LRRC4C: variants seen among roughly 807,000 people sequenced by gnomAD.
LRRC4C encodes leucine-rich repeat-containing protein 4C.
Under a neutral mutation model 33.6 loss-of-function variants are expected in LRRC4C, and 5 were observed. The observed-to-expected ratio is 0.15, with a 90% CI of 0.08 to 0.31. The LOEUF is 0.31. LRRC4C is among the 10% of genes least tolerant of loss of function. The pLI is 1.00. For missense variants in LRRC4C, 560 were observed against 796.7 expected (o/e 0.70, Z 3.58); for synonymous variants, 329 against 302.0 (o/e 1.09, Z -0.93).
intron 3 of LRRC4C, among the ~76,000 whole-genome samples, chr11:40,484,170 A>T (rs550761668): frequency 5.3e-5 from 8 of 152,264 alleles, no homozygotes; most frequent in Non-Finnish European, 8.8e-5. Flanking sequence ...TCTAACAGAA[A>T]TACTTTATTC....
At chr11:41,373,587 A>G (rs1369065543) in intron 1 of LRRC4C, among the ~76,000 whole-genome samples, 1 of 152,096 alleles carries the variant, frequency 6.6e-6, no homozygotes, top group Non-Finnish European at 1.5e-5. Context: ...TCAAAATAAT[A>G]CTCTCGGAAT....
intron 3 of LRRC4C, among the ~76,000 whole-genome samples, chr11:40,579,597 C>T (rs977308240): frequency 3.9e-5 from 6 of 152,212 alleles, no homozygotes; most frequent in African/African-American, 1.4e-4. Context: ...AGTTTTAGAA[C>T]ATTTTCATCA....
Position 41,448,122 on chromosome 11 carries a change from G to GTTTTTTTTTTTT in LRRC4C, c.-496+11297_-496+11308dup, listed in dbSNP as rs71063918. Among the ~76,000 whole-genome samples the GTTTTTTTTTTTT allele has an allele frequency of 8.3e-4, 39 of 46,906 alleles. 4 individuals carry two copies. The highest frequency in any genetic ancestry group is 1.5e-3 in the African/African-American group (19 of 12,918). The allele number at this position is 46,906 out of a possible 152,430, so 30.8% of individuals were successfully genotyped here. ...ACAAACGAGGCTGCTGCACACGTCT[G>GTTTTTTTTTTTT]TTTTTTTTTTTTTTTTTTTTGGAGC... is the stretch of plus-strand genomic sequence containing the variant. On this transcript the variant is annotated intron_variant, in intron 1 of 6. Transcript: ENST00000528697.
At chr11:40,736,312 C>T (rs1373529663) in intron 2 of LRRC4C, among the ~76,000 whole-genome samples, 5 of 151,976 alleles carry the variant, frequency 3.3e-5, no homozygotes, top group African/African-American at 9.7e-5. Context: ...TGGTTTCCAG[C>T]TTCATCCATG....
At chr11:40,170,673 C>G (rs1160093842) in intron 5 of LRRC4C, among the ~76,000 whole-genome samples, 1 of 152,072 alleles carries the variant, frequency 6.6e-6, no homozygotes, top group African/African-American at 2.4e-5. Flanking sequence ...CTTTTTGTAG[C>G]CAAAACATTA....
intron 2 of LRRC4C, among the ~76,000 whole-genome samples, chr11:40,848,314 T>C (rs1953299428): frequency 6.6e-6 from 1 of 152,200 alleles, no homozygotes; most frequent in Non-Finnish European, 1.5e-5. Flanking sequence ...TAAACATTGC[T>C]TTAGCTGTGT....
chr11:41,256,209 C>G (rs1243609527), intron 1 of LRRC4C, among the ~76,000 whole-genome samples: 1 of 151,970 alleles, frequency 6.6e-6, no homozygotes, highest in Non-Finnish European at 1.5e-5. Context: ...TCCCGCATAG[C>G]TCAGTCACCC....
At chr11:40,655,635 C>T (rs1238836998) in intron 2 of LRRC4C, among the ~76,000 whole-genome samples, 1 of 152,094 alleles carries the variant, frequency 6.6e-6, no homozygotes, top group Admixed American at 6.6e-5. Flanking sequence ...GCACTTTGCT[C>T]ACAAATTCAG....
intron 3 of LRRC4C, among the ~76,000 whole-genome samples, chr11:40,522,196 A>G (rs58341392): frequency 0.041 from 6,163 of 152,158 alleles, 362 homozygotes; most frequent in African/African-American, 0.13. Context: ...GCTAATTTAT[A>G]TACATATATT....
chr11:41,384,178 G>C (rs1464071540), intron 1 of LRRC4C, among the ~76,000 whole-genome samples: 3 of 151,828 alleles, frequency 2.0e-5, no homozygotes, highest in Non-Finnish European at 4.4e-5. Context: ...TAAATGCTTT[G>C]AACCATTTAA....
At chr11:40,803,598 T>G (rs1034199508) in intron 2 of LRRC4C, among the ~76,000 whole-genome samples, 1 of 152,064 alleles carries the variant, frequency 6.6e-6, no homozygotes, top group Non-Finnish European at 1.5e-5. Flanking sequence ...TAATATTTAA[T>G]TTTTAATTAA....
At chr11:40,688,738 GGACA>G (rs2136384444) in intron 2 of LRRC4C, among the ~76,000 whole-genome samples, 1 of 152,208 alleles carries the variant, frequency 6.6e-6, no homozygotes, top group Admixed American at 6.5e-5. Context: ...AATTCTCACA[GGACA>G]GATATTTAGA....
At chr11:41,458,998 C>G (rs1026705080) in intron 1 of LRRC4C, among the ~76,000 whole-genome samples, 3 of 152,150 alleles carry the variant, frequency 2.0e-5, no homozygotes, top group East Asian at 3.9e-4. Context: ...ATTAAGTTAT[C>G]GTGAAAGTCC....
chr11:40,699,075 C>T (rs1945729936), intron 2 of LRRC4C, among the ~76,000 whole-genome samples: 1 of 152,292 alleles, frequency 6.6e-6, no homozygotes, highest in South Asian at 2.1e-4. Flanking sequence ...TCCCACCACA[C>T]ACATACATAA....
chr11:40,695,394 C>T (rs1945446747), intron 2 of LRRC4C, among the ~76,000 whole-genome samples: 1 of 152,126 alleles, frequency 6.6e-6, no homozygotes, highest in Non-Finnish European at 1.5e-5. Context: ...ACCTCATCTC[C>T]TTTGATTGCT....
chr11:40,607,223 C>T (rs1450135937), intron 3 of LRRC4C, among the ~76,000 whole-genome samples: 1 of 152,104 alleles, frequency 6.6e-6, no homozygotes, highest in Non-Finnish European at 1.5e-5. Context: ...TTCTTTAAAT[C>T]GAAATTGGTA....
chr11:40,349,756 A>G (rs1947303858), intron 3 of LRRC4C, among the ~76,000 whole-genome samples: 1 of 152,110 alleles, frequency 6.6e-6, no homozygotes, highest in Non-Finnish European at 1.5e-5. Context: ...CTTTTGGATA[A>G]AAGTCCTTTT....
At chr11:41,218,341 T>C (rs1229608573) in intron 1 of LRRC4C, among the ~76,000 whole-genome samples, 1 of 152,208 alleles carries the variant, frequency 6.6e-6, no homozygotes, top group African/African-American at 2.4e-5. Flanking sequence ...AAAACTTTCC[T>C]GCTTTTTTAC....
At chr11:40,778,548 G>A (rs569050687) in intron 2 of LRRC4C, among the ~76,000 whole-genome samples, 2 of 152,220 alleles carry the variant, frequency 1.3e-5, no homozygotes, top group Admixed American at 1.3e-4. Flanking sequence ...AATAATTTGA[G>A]ATGGTGCTAA....
Sources: allele counts gnomAD v4.1 joint callset (sites outside exome capture counted in the v4.1 genomes callset), GRCh38; gene constraint gnomAD v4.1.1; transcripts MANE v1.5; gene names NCBI Gene and HGNC (gene_info 2026-07-23, HGNC 2026-07-21).